The following CLCN3 variants were observed in gnomAD, a reference collection of about 807,000 sequenced individuals.
The protein encoded by CLCN3 is H(+)/Cl(-) exchange transporter 3.
CLCN3 carries 16 observed loss-of-function variants against 83.4 expected under a neutral mutation model. The observed-to-expected ratio is 0.19, with a 90% confidence interval of 0.13 to 0.29. The LOEUF is 0.29. Ranked by LOEUF, CLCN3 falls within the 10% of genes least tolerant of loss-of-function variation. CLCN3 has a pLI of 1.00. For missense variants in CLCN3, 544 were observed against 1,006.0 expected (o/e 0.54, Z 6.21); for synonymous variants, 322 against 346.2 (o/e 0.93, Z 0.78).
Position 169,697,527 on chromosome 4 carries a change from C to T in CLCN3, c.1356C>T (p.Thr452=), listed in dbSNP as rs151324824. 1.6e-4 allele frequency: 260 copies of T among 1,614,052 alleles called. No homozygotes were observed. The highest frequency in any genetic ancestry group is 1.6e-4 in the Middle Eastern group (1 of 6,084). The change falls in exon 9 of 13, where the codon ACC becomes ACT. Residue 452 remains threonine (T), a synonymous_variant. Transcript: ENST00000513761. ...CTAATCCATACACTAGGCTAAACACCAGTGAACTGATCAAAGAGCTTTTTA... is the reference window on the plus strand; with the variant it reads ...CTAATCCATACACTAGGCTAAACACTAGTGAACTGATCAAAGAGCTTTTTA... ...AFPNPYTRLN[T]SELIKELFTD... is the part of the protein sequence containing the mutation.
chr4:169,704,567 A>G (rs1318647439), intron 10 of CLCN3, among the ~76,000 whole-genome samples: 1 of 152,242 alleles, frequency 6.6e-6, no homozygotes, highest in African/African-American at 2.4e-5. Context: ...TAGCATTGCA[A>G]CAGAGTTTCA....
intron 3 of CLCN3, among the ~76,000 whole-genome samples, chr4:169,685,240 T>C (rs1732109340): frequency 6.6e-6 from 1 of 152,194 alleles, no homozygotes. Flanking sequence ...TTAACTTTAC[T>C]TCAATTTTTA....
chr4:169,718,037 T>A (rs746837074), intron 12 of CLCN3, among the ~76,000 whole-genome samples: 2 of 152,230 alleles, frequency 1.3e-5, no homozygotes, highest in Non-Finnish European at 2.9e-5. Flanking sequence ...TAAATTTAGA[T>A]ATGTGTAAAA....
chr4:169,665,823 G>A (rs1731224592), intron 2 of CLCN3, among the ~76,000 whole-genome samples: 1 of 152,062 alleles, frequency 6.6e-6, no homozygotes, highest in Non-Finnish European at 1.5e-5. Context: ...GATCACAGAG[G>A]TAATAAGTAA....
chr4:169,695,162 G>A (rs1001355623), intron 7 of CLCN3, among the ~76,000 whole-genome samples: 1 of 152,110 alleles, frequency 6.6e-6, no homozygotes, highest in Admixed American at 6.6e-5. Flanking sequence ...AATCTTACAA[G>A]GTCTTCGGTT....
chr4:169,635,339 A>T (rs1218094955), intron 1 of CLCN3, among the ~76,000 whole-genome samples: 2 of 152,200 alleles, frequency 1.3e-5, no homozygotes, highest in African/African-American at 4.8e-5. Flanking sequence ...GAATATGGAG[A>T]GTAAGAACAA....
At chr4:169,656,722 A>G (rs902586426) in intron 2 of CLCN3, among the ~76,000 whole-genome samples, 1 of 152,172 alleles carries the variant, frequency 6.6e-6, no homozygotes, top group African/African-American at 2.4e-5. Context: ...GGCTTGGTGC[A>G]GTGGACAGTG....
At chr4:169,709,482 G>A (rs1175356393) in intron 11 of CLCN3, among the ~76,000 whole-genome samples, 1 of 151,976 alleles carries the variant, frequency 6.6e-6, no homozygotes, top group African/African-American at 2.4e-5. Flanking sequence ...CCAGGAGTTT[G>A]AGACCAGCCT....
chr4:169,659,851 A>T (rs1286347583), intron 2 of CLCN3, among the ~76,000 whole-genome samples: 3 of 152,148 alleles, frequency 2.0e-5, no homozygotes, highest in East Asian at 3.8e-4. Context: ...GTAAAACCAC[A>T]CAAACTTACT....
At chr4:169,680,009 C>T in intron 2 of CLCN3, 41 bp from the exon 3 acceptor site, 3 of 1,501,200 alleles carry the variant, frequency 2.0e-6, no homozygotes, top group Non-Finnish European at 2.8e-6. Flanking sequence ...TCACTGTTGT[C>T]TCTTCTAAAA....
chr4:169,696,063 T>C (rs1423182554), intron 8 of CLCN3, among the ~76,000 whole-genome samples: 1 of 152,096 alleles, frequency 6.6e-6, no homozygotes, highest in Non-Finnish European at 1.5e-5. Context: ...CAGGCTGTTT[T>C]TTTGTGGGGT....
At chr4:169,674,481 A>G (rs959821290) in intron 2 of CLCN3, among the ~76,000 whole-genome samples, 1 of 152,120 alleles carries the variant, frequency 6.6e-6, no homozygotes, top group Admixed American at 6.5e-5. Flanking sequence ...TCTCAAGAAA[A>G]TTTGTGGCCT....
intron 2 of CLCN3, among the ~76,000 whole-genome samples, chr4:169,655,007 C>T (rs1008669967): frequency 6.6e-6 from 1 of 152,058 alleles, no homozygotes; most frequent in African/African-American, 2.4e-5. Flanking sequence ...GCTTTATATA[C>T]TTTGATCTTA....
chr4:169,638,061 A>G (rs1730280694), intron 2 of CLCN3, among the ~76,000 whole-genome samples: 1 of 152,066 alleles, frequency 6.6e-6, no homozygotes, highest in Admixed American at 6.6e-5. Flanking sequence ...ATAATCACCA[A>G]TATGTTTGGT....
intron 2 of CLCN3, among the ~76,000 whole-genome samples, chr4:169,666,272 G>C (rs1731242192): frequency 6.6e-6 from 1 of 152,166 alleles, no homozygotes; most frequent in Non-Finnish European, 1.5e-5. Flanking sequence ...TATATACTAT[G>C]TCAGTGAGAA....
chr4:169,681,187 A>T (rs1731923557), intron 3 of CLCN3, among the ~76,000 whole-genome samples: 1 of 152,184 alleles, frequency 6.6e-6, no homozygotes, highest in Non-Finnish European at 1.5e-5. Flanking sequence ...AGCTGGAATT[A>T]TAGGTGTGTG....
chr4:169,642,905 A>G (rs1315482260), intron 2 of CLCN3: 1 of 152,206 alleles, frequency 6.6e-6, no homozygotes, highest in Non-Finnish European at 1.5e-5. Context: ...ATTATATAGT[A>G]TAAACATTGA....
Position 169,662,352 on chromosome 4 carries a change from A to C in CLCN3, c.161-17698A>C, listed in dbSNP as rs138187450. Among the ~76,000 whole-genome samples the C allele has an allele frequency of 2.9e-4, 44 of 152,280 alleles. No homozygotes were observed. The East Asian group carries it at 6.7e-3, about 23-fold the overall frequency. On this transcript the variant is annotated intron_variant, in intron 2 of 12. Coordinates refer to ENST00000513761, the MANE Select transcript of CLCN3 (RefSeq NM_001829.4). ...TATGTGTAGTAGAGATAAGTCAGTT[A>C]TTAGGCTTTCGTGACTGTACTGTAT... is the stretch of plus-strand genomic sequence containing the variant.
At chr4:169,715,576 A>G (rs745519865) in intron 12 of CLCN3, among the ~76,000 whole-genome samples, 3 of 152,150 alleles carry the variant, frequency 2.0e-5, no homozygotes, top group Admixed American at 6.5e-5. Flanking sequence ...GAAGTTCTGC[A>G]TAGCTATCAT....
Sources: gnomAD v4.1 joint callset for allele counts (sites outside exome capture counted in the v4.1 genomes callset) on GRCh38, gnomAD v4.1.1 for gene constraint, MANE v1.5 for transcripts, NCBI Gene and HGNC (gene_info 2026-07-23, HGNC 2026-07-21) for gene names.